LMX1A: variants seen among roughly 807,000 people sequenced by gnomAD.
LMX1A encodes LIM homeobox transcription factor 1 alpha.
LMX1A carries 15 observed loss-of-function variants against 49.1 expected under a neutral mutation model. The ratio of observed to expected loss-of-function variants is 0.31; its 90% confidence interval spans 0.20 to 0.47. The LOEUF is 0.47. Ranked by LOEUF, LMX1A falls within the 20% of genes least tolerant of loss-of-function variation. The pLI is 1.00. For synonymous variants in LMX1A, 167 were observed against 185.7 expected, an observed-to-expected ratio of 0.90 and a Z score of 0.82; for missense variants, 372 against 475.8, an observed-to-expected ratio of 0.78 and a Z score of 2.03.
In LMX1A at chr1:165,272,788, T is replaced by A. The variant is rs185820163; in HGVS notation, c.264-23148A>T. 1.8e-4 allele frequency among the ~76,000 whole-genome samples: 27 copies of A among 152,206 alleles called. No individual in the cohort carries two copies. In the East Asian group the frequency reaches 4.8e-3, roughly 27 times the overall value. ...GCATAATGTCTATGAGCGATAGTTA[T>A]TGATGGTGTGGTTTAGTGGGGGTAA... On this transcript the variant is annotated intron_variant, in intron 3 of 8. Coordinates refer to ENST00000342310, the MANE Select transcript of LMX1A (RefSeq NM_177398.4).
intron 3 of LMX1A, among the ~76,000 whole-genome samples, chr1:165,291,011 A>G (rs1485726020): frequency 6.6e-6 from 1 of 152,214 alleles, no homozygotes; most frequent in Non-Finnish European, 1.5e-5. Flanking sequence ...CTTAAATACT[A>G]ACAATTTATA....
In LMX1A at chr1:165,353,138, C is replaced by T. The variant is rs1656483405; in HGVS notation, c.201G>A (p.Glu67=). 1 of 1,614,214 alleles carries T rather than the reference C, an allele frequency of 6.2e-7. No homozygotes were observed. The highest frequency in any genetic ancestry group is 8.5e-7 in the Non-Finnish European group (1 of 1,180,036). ...EQCVQCASCK[E]PLETTCFYRD... ...GGTAGAAGCAGGTGGTCTCCAGGGGCTCTTTGCAGGAGGCGCACTGCACGC... is the reference window on the plus strand; with the variant it reads ...GGTAGAAGCAGGTGGTCTCCAGGGGTTCTTTGCAGGAGGCGCACTGCACGC... The change falls in exon 3 of 9, where the codon GAG becomes GAA. Residue 67 remains glutamate, a synonymous_variant. Coordinates refer to ENST00000342310, the MANE Select transcript of LMX1A (RefSeq NM_177398.4).
At chr1:165,276,196 C>G (rs568027323) in intron 3 of LMX1A, among the ~76,000 whole-genome samples, 2 of 152,248 alleles carry the variant, frequency 1.3e-5, no homozygotes, top group African/African-American at 4.8e-5. Context: ...TGGATCACCG[C>G]ATATTTTGGC....
intron 3 of LMX1A, among the ~76,000 whole-genome samples, chr1:165,268,459 T>C (rs1254379958): frequency 6.6e-6 from 1 of 152,182 alleles, no homozygotes. Context: ...ACCACATGCA[T>C]AACGTTGAGG....
chr1:165,232,156 TC>T (rs1652263311), intron 4 of LMX1A, among the ~76,000 whole-genome samples: 1 of 152,148 alleles, frequency 6.6e-6, no homozygotes, highest in Non-Finnish European at 1.5e-5. Context: ...TGCGGATGCA[TC>T]CCTGTGCTGG....
At chr1:165,319,500 G>A (rs920625043) in intron 3 of LMX1A, among the ~76,000 whole-genome samples, 5 of 151,974 alleles carry the variant, frequency 3.3e-5, no homozygotes, top group Non-Finnish European at 5.9e-5. Flanking sequence ...TCCAAGATAT[G>A]ATAAATAAAT....
chr1:165,254,453 G>C (rs766951770), intron 3 of LMX1A, among the ~76,000 whole-genome samples: 10 of 152,028 alleles, frequency 6.6e-5, no homozygotes, highest in Non-Finnish European at 1.2e-4. Context: ...TCCCTTTCTG[G>C]GTTCAAACCA....
intron 4 of LMX1A, among the ~76,000 whole-genome samples, chr1:165,240,897 G>A (rs546416613): frequency 4.8e-4 from 73 of 152,284 alleles, no homozygotes; most frequent in Non-Finnish European, 6.8e-4. Context: ...TAACGCTTAG[G>A]AATAAGGAGG....
chr1:165,314,769 T>C (rs887467793), intron 3 of LMX1A, among the ~76,000 whole-genome samples: 4 of 152,154 alleles, frequency 2.6e-5, no homozygotes, highest in Admixed American at 2.6e-4. Flanking sequence ...GCAGTTTCTG[T>C]TTTCTACAGT....
chr1:165,307,682 T>C (rs1279377333), intron 3 of LMX1A, among the ~76,000 whole-genome samples: 2 of 152,184 alleles, frequency 1.3e-5, no homozygotes, highest in Admixed American at 6.5e-5. Context: ...AGTTTGCAAC[T>C]AACCCCTACC....
intron 3 of LMX1A, among the ~76,000 whole-genome samples, chr1:165,264,078 C>T (rs1653539135): frequency 6.6e-6 from 1 of 152,082 alleles, no homozygotes; most frequent in Admixed American, 6.5e-5. Flanking sequence ...CAGGATGAGT[C>T]TAACCCAGGA....
At chr1:165,206,614 T>C (rs966272952) in intron 7 of LMX1A, among the ~76,000 whole-genome samples, 10 of 152,178 alleles carry the variant, frequency 6.6e-5, no homozygotes, top group African/African-American at 2.4e-4. Flanking sequence ...TATGAGTTTG[T>C]GTTCTCATAT....
intron 3 of LMX1A, among the ~76,000 whole-genome samples, chr1:165,256,123 G>A (rs1653227423): frequency 6.6e-6 from 1 of 152,186 alleles, no homozygotes; most frequent in African/African-American, 2.4e-5. Flanking sequence ...TGCTCGTGGT[G>A]CAGGCAGAAC....
Position 165,355,785 on chromosome 1 carries a change from A to C in LMX1A, c.-22-204T>G. On this transcript the variant is annotated intron_variant, in intron 1 of 8. Transcript: ENST00000342310. The surrounding 1 kb of genome is among the most constrained non-coding windows in gnomAD (Gnocchi z 4.7). ...CTCTGGCTGATCTGATTTCACTTGA[A>C]GTCAACACGTTATGTACTTAGGCCT... 1 of 581,652 alleles carries C rather than the reference A, an allele frequency of 1.7e-6. No individual in the cohort carries two copies. The highest frequency in any genetic ancestry group is 2.9e-5 in the East Asian group (1 of 35,052). The allele number at this position is 581,652 out of a possible 1,614,324, so 36.0% of individuals were successfully genotyped here. A position where few individuals can be genotyped will look rare whatever the true frequency, so the allele number is the denominator to read the frequency against.
At chr1:165,209,348 G>A (rs1651266158) in intron 6 of LMX1A, among the ~76,000 whole-genome samples, 1 of 152,206 alleles carries the variant, frequency 6.6e-6, no homozygotes, top group South Asian at 2.1e-4. Flanking sequence ...ACTCTCCAGA[G>A]TGATACCTAT....
chr1:165,220,852 G>T (rs1375499269), intron 4 of LMX1A, among the ~76,000 whole-genome samples: 1 of 152,178 alleles, frequency 6.6e-6, no homozygotes, highest in Non-Finnish European at 1.5e-5. Flanking sequence ...CTGGATCCTA[G>T]TTCTAATTTT....
intron 3 of LMX1A, among the ~76,000 whole-genome samples, chr1:165,326,456 C>T (rs144405701): frequency 3.4e-3 from 522 of 152,280 alleles, no homozygotes; most frequent in African/African-American, 0.012. Context: ...TCAATGGAGA[C>T]GGAATTCTTT....
intron 7 of LMX1A, 76 bp downstream of exon 7, chr1:165,207,987 G>A (rs1440682509): frequency 8.1e-7 from 1 of 1,241,020 alleles, no homozygotes; most frequent in African/African-American, 1.5e-5. Flanking sequence ...CATCCAAAGA[G>A]CTGGGTAGTG....
At chr1:165,299,027 G>A (rs1056861028) in intron 3 of LMX1A, among the ~76,000 whole-genome samples, 1 of 152,172 alleles carries the variant, frequency 6.6e-6, no homozygotes, top group African/African-American at 2.4e-5. Flanking sequence ...TTTTGTAGAT[G>A]ATAAAAATGA....
Sources: allele counts gnomAD v4.1 joint callset (sites outside exome capture counted in the v4.1 genomes callset), GRCh38; gene constraint gnomAD v4.1.1; non-coding constraint Gnocchi (gnomAD v3.1); transcripts MANE v1.5; gene names NCBI Gene and HGNC (gene_info 2026-07-23, HGNC 2026-07-21).